Variants in NRG3 observed in about 807,000 individuals in gnomAD.
NRG3 encodes pro-neuregulin-3, membrane-bound isoform.
NRG3 carries 31 observed loss-of-function variants against 66.9 expected under a neutral mutation model. The ratio of observed to expected loss-of-function variants is 0.46; its 90% CI spans 0.35 to 0.63. The LOEUF is 0.63. Ranked by LOEUF, NRG3 falls within the 20% of genes least tolerant of loss-of-function variation. The pLI is 0.00. For synonymous variants in NRG3, 393 were observed against 359.4 expected (o/e 1.09, Z -1.06); for missense variants, 910 against 878.9 (o/e 1.04, Z -0.45).
At chr10:82,805,977 A>G (rs1394009287) in intron 3 of NRG3, among the ~76,000 whole-genome samples, 2 of 152,210 alleles carry the variant, frequency 1.3e-5, no homozygotes, top group Non-Finnish European at 2.9e-5. Context: ...TTTCTGAAAC[A>G]TCAACTGAGA....
intron 3 of NRG3, among the ~76,000 whole-genome samples, chr10:82,837,803 G>C (rs949763650): frequency 6.6e-6 from 1 of 152,122 alleles, no homozygotes; most frequent in Non-Finnish European, 1.5e-5. Flanking sequence ...CTGAAAAAAT[G>C]CTTGTCATGA....
intron 2 of NRG3, among the ~76,000 whole-genome samples, chr10:82,486,462 T>C (rs886185042): frequency 2.6e-5 from 4 of 152,038 alleles, no homozygotes; most frequent in African/African-American, 9.7e-5. Flanking sequence ...TCGCCCAGGC[T>C]GGAGTGCAGT....
chr10:82,264,626 A>G (rs941129713), intron 1 of NRG3, among the ~76,000 whole-genome samples: 2 of 152,220 alleles, frequency 1.3e-5, no homozygotes, highest in Non-Finnish European at 2.9e-5. Context: ...GAGGCACATC[A>G]TCTTTAAAAG....
At chr10:81,994,319 T>C (rs1459033942) in intron 1 of NRG3, among the ~76,000 whole-genome samples, 2 of 152,176 alleles carry the variant, frequency 1.3e-5, no homozygotes, top group Admixed American at 1.3e-4. Context: ...AATGAAGTTT[T>C]CTATTTATGA....
At position 82,720,810 on chromosome 10, in the gene NRG3, C is replaced by CATATATATATATATATATATATAT. The variant is rs5786567; in HGVS notation, c.954-17758_954-17735dup. Among the ~76,000 whole-genome samples, 148 of 114,672 alleles carry CATATATATATATATATATATATAT rather than the reference C, an allele frequency of 1.3e-3. 4 individuals carry two copies. Among genetic ancestry groups the CATATATATATATATATATATATAT allele is most frequent in the African/African-American group, 3.1e-3 (71 of 22,826 alleles). 75.2% of individuals were successfully genotyped at this position (114,672 alleles called of 152,430 possible). A position where few individuals can be genotyped will look rare whatever the true frequency, so the allele number is the denominator to read the frequency against. Reference sequence around the variant, plus strand: ...AACACATATATAGGAGTATTTTATACATATATATATATATATATATATATA... The same window carrying CATATATATATATATATATATATAT: ...AACACATATATAGGAGTATTTTATACATATATATATATATATATATATATATATATATATATATATATATATATA... On this transcript the variant is annotated intron_variant, in intron 2 of 8. Transcript: ENST00000372141.
At chr10:82,689,642 G>A (rs1050632433) in intron 2 of NRG3, among the ~76,000 whole-genome samples, 4 of 152,168 alleles carry the variant, frequency 2.6e-5, no homozygotes, top group Admixed American at 1.3e-4. Context: ...TGACTTTCCA[G>A]AGCAGATTTT....
chr10:82,860,846 T>C (rs1452681347), intron 3 of NRG3, among the ~76,000 whole-genome samples: 2 of 152,308 alleles, frequency 1.3e-5, no homozygotes, highest in Non-Finnish European at 2.9e-5. Flanking sequence ...GTTTGCTGAG[T>C]GAATGAATGA....
chr10:82,427,362 A>G (rs2089516557), intron 2 of NRG3, among the ~76,000 whole-genome samples: 1 of 151,962 alleles, frequency 6.6e-6, no homozygotes, highest in Non-Finnish European at 1.5e-5. Context: ...TTTTATTCCT[A>G]GTTTTCTGAC....
At chr10:82,982,714 C>T (rs917960251) in intron 8 of NRG3, among the ~76,000 whole-genome samples, 5 of 152,136 alleles carry the variant, frequency 3.3e-5, no homozygotes, top group Admixed American at 6.5e-5. Context: ...AGTGAGGCTG[C>T]CATTTGTCTG....
At chr10:82,440,309 T>A (rs1025913421) in intron 2 of NRG3, among the ~76,000 whole-genome samples, 5 of 151,850 alleles carry the variant, frequency 3.3e-5, no homozygotes, top group Non-Finnish European at 4.4e-5. Context: ...ATAATGTACA[T>A]TTTTACTTCT....
chr10:82,452,401 A>T (rs1042235783), intron 2 of NRG3, among the ~76,000 whole-genome samples: 2 of 152,222 alleles, frequency 1.3e-5, no homozygotes, highest in South Asian at 4.1e-4. Context: ...TTACCTTGTA[A>T]TGTATAGAAC....
chr10:82,824,826 C>T (rs1564538411), intron 3 of NRG3, among the ~76,000 whole-genome samples: 1 of 151,932 alleles, frequency 6.6e-6, no homozygotes, highest in Non-Finnish European at 1.5e-5. Context: ...AAGTCATCCC[C>T]CCATTTCAGC....
At position 82,804,146 on chromosome 10, in the gene NRG3, G is replaced by A. The variant is rs142781932; in HGVS notation, c.1028-61265G>A. Among the ~76,000 whole-genome samples, 4 of 152,236 alleles carry A rather than the reference G, an allele frequency of 2.6e-5. No individual in the cohort carries two copies. In the East Asian group the frequency reaches 7.7e-4, roughly 29 times the overall value. On this transcript the variant is annotated intron_variant, in intron 3 of 8. Coordinates refer to ENST00000372141, the MANE Select transcript of NRG3 (RefSeq NM_001010848.4). ...TACTTAATGGCCCCAAAGTGCAAGA[G>A]TGGTGATGCTGTCAATTTGCACCCG...
chr10:82,973,457 A>T (rs188250131), intron 6 of NRG3, among the ~76,000 whole-genome samples: 1 of 152,194 alleles, frequency 6.6e-6, no homozygotes, highest in Non-Finnish European at 1.5e-5. Flanking sequence ...TAAGATGTAC[A>T]TCAACTAAAA....
intron 2 of NRG3, among the ~76,000 whole-genome samples, chr10:82,665,071 A>G (rs759254959): frequency 7.2e-5 from 11 of 152,096 alleles, no homozygotes; most frequent in Non-Finnish European, 1.2e-4. Context: ...ATTCAGCTCC[A>G]TATTTGATGA....
chr10:82,318,361 T>G (rs1176622213), intron 1 of NRG3, among the ~76,000 whole-genome samples: 2 of 152,190 alleles, frequency 1.3e-5, no homozygotes, highest in Admixed American at 6.5e-5. Flanking sequence ...GAGTATATTT[T>G]CCACATTCCC....
At chr10:82,648,598 G>C (rs1413755707) in intron 2 of NRG3, among the ~76,000 whole-genome samples, 1 of 152,154 alleles carries the variant, frequency 6.6e-6, no homozygotes, top group Non-Finnish European at 1.5e-5. Flanking sequence ...ACCTTGGGCA[G>C]TATGGCCATT....
intron 1 of NRG3, among the ~76,000 whole-genome samples, chr10:82,034,024 G>T (rs1292361020): frequency 6.6e-6 from 1 of 152,124 alleles, no homozygotes; most frequent in Non-Finnish European, 1.5e-5. Context: ...TTTAAAGTAG[G>T]TGGTCAAAGA....
At chr10:82,308,875 A>G (rs1400262018) in intron 1 of NRG3, among the ~76,000 whole-genome samples, 3 of 152,144 alleles carry the variant, frequency 2.0e-5, no homozygotes, top group Non-Finnish European at 4.4e-5. Flanking sequence ...TCCACCTGAT[A>G]TAGTGAAAGC....
Sources: gnomAD v4.1 joint callset for allele counts (sites outside exome capture counted in the v4.1 genomes callset) on GRCh38, gnomAD v4.1.1 for gene constraint, MANE v1.5 for transcripts, NCBI Gene and HGNC (gene_info 2026-07-23, HGNC 2026-07-21) for gene names.